The following MAPRE2 variants were observed in gnomAD, a reference collection of about 807,000 sequenced individuals.
MAPRE2 encodes the protein microtubule associated protein RP/EB family member 2.
A neutral mutation model predicts 43.2 loss-of-function variants in MAPRE2; 13 were observed. The observed-to-expected ratio is 0.30, with a 90% CI of 0.20 to 0.48. The LOEUF (loss-of-function observed/expected upper bound fraction) is 0.48, where lower values mean the gene tolerates loss of function less well. MAPRE2 is among the 20% of genes least tolerant of loss of function. The pLI, the probability that MAPRE2 is intolerant of heterozygous loss-of-function variation, is 0.99. For synonymous variants in MAPRE2, 135 were observed against 148.8 expected, an observed-to-expected ratio of 0.91 and a Z score of 0.68; for missense variants, 161 against 400.2, an observed-to-expected ratio of 0.40 and a Z score of 5.10.
At chr18:35,040,706 G>A (rs982317527), upstream of MAPRE2, among the ~76,000 whole-genome samples, 8 of 152,198 alleles carry the variant, frequency 5.3e-5, no homozygotes, top group Non-Finnish European at 1.2e-4. Context: ...TAAAGAATTT[G>A]AATTGGAGGG....
intron 1 of MAPRE2, 102 bp from the exon 2 acceptor site, chr18:35,070,093 T>A (rs1365302291): frequency 2.2e-6 from 2 of 919,112 alleles, no homozygotes; most frequent in Non-Finnish European, 3.2e-6. Context: ...GCAGGACTTT[T>A]ACATGCCCTG....
intron 2 of MAPRE2, among the ~76,000 whole-genome samples, chr18:35,025,689 C>G (rs1185954909): frequency 1.3e-5 from 2 of 152,174 alleles, no homozygotes; most frequent in African/African-American, 2.4e-5. Context: ...ATAAAGCAAG[C>G]TGAAGTTATT....
Position 35,070,186 on chromosome 18 carries a change from T to C in MAPRE2, c.123-9T>C, listed in dbSNP as rs745675833. The C allele has an allele frequency of 7.0e-6, 11 of 1,578,066 alleles. No homozygotes were observed. The South Asian group carries it at 1.2e-4, about 17-fold the overall frequency. ...CCTTGTTGTTAAATAAACTTTGTTT[T>C]TTTTCTAGTTGGGGAATGGCGGTCA... On this transcript the variant is annotated splice_polypyrimidine_tract_variant and intron_variant, in intron 1 of 6. Coordinates refer to ENST00000300249, the MANE Select transcript of MAPRE2 (RefSeq NM_014268.4).
upstream of MAPRE2, chr18:35,041,243 A>G (rs936551515): frequency 3.5e-6 from 4 of 1,150,418 alleles, no homozygotes; most frequent in Non-Finnish European, 4.6e-6. Flanking sequence ...GCCTGCCTGG[A>G]GCTGCTGGCG....
At chr18:35,080,171 GAGA>G (rs2144125333) in intron 2 of MAPRE2, among the ~76,000 whole-genome samples, 1 of 152,344 alleles carries the variant, frequency 6.6e-6, no homozygotes, top group African/African-American at 2.4e-5. Context: ...GATTCAGACG[GAGA>G]AGAAGATGGT....
At chr18:35,035,675 C>T (rs1185358129) in intron 2 of MAPRE2, among the ~76,000 whole-genome samples, 1 of 150,528 alleles carries the variant, frequency 6.6e-6, no homozygotes, top group Non-Finnish European at 1.5e-5. Flanking sequence ...CTGATTCATA[C>T]TCTCTGTGAC....
chr18:35,028,177 A>G (rs970351237), intron 2 of MAPRE2, among the ~76,000 whole-genome samples: 8 of 152,238 alleles, frequency 5.3e-5, no homozygotes, highest in Non-Finnish European at 7.3e-5. Flanking sequence ...CCATGATTCA[A>G]AGGGAGGAGA....
chr18:35,011,410 T>C (rs1467620156), intron 2 of MAPRE2, among the ~76,000 whole-genome samples: 1 of 152,062 alleles, frequency 6.6e-6, no homozygotes, highest in East Asian at 1.9e-4. Flanking sequence ...ATTAATGAAA[T>C]TGAAAGAAGT....
At chr18:35,077,923 A>C (rs1194140564) in intron 2 of MAPRE2, among the ~76,000 whole-genome samples, 1 of 152,214 alleles carries the variant, frequency 6.6e-6, no homozygotes, top group East Asian at 1.9e-4. Context: ...GTTATTTTGA[A>C]TTTTTAAAAA....
At position 34,978,455 on chromosome 18, in the gene MAPRE2, G is replaced by A. The variant is rs975280968; in HGVS notation, c.-70+1376G>A. On this transcript the variant is annotated intron_variant, in intron 1 of 7. Transcript: ENST00000413393. ...AGACCGGTTGCGATTGTGGTCAGAC[G>A]CAGCACCTACTTCTAATCTGAGGAC... 2.0e-6 allele frequency: 3 copies of A among 1,478,744 alleles called. No homozygotes were observed. In the East Asian group the frequency reaches 7.4e-5, roughly 36 times the overall value. 91.6% of individuals were successfully genotyped at this position (1,478,744 alleles called of 1,614,324 possible).
rs896681005 is a variant in MAPRE2 at position 35,097,540 on chromosome 18, T to C, written c.345T>C (p.Ile115=). The C allele has an allele frequency of 3.7e-6, 6 of 1,613,636 alleles. No homozygotes were observed. The African/African-American group carries it at 8.0e-5, about 22-fold the overall frequency. ...AAGCAAAGCTGGAACATGAATATAT[T>C]CACAATTTTAAACTTCTGCAAGCAT... ...KFQAKLEHEY[I]HNFKLLQASF... The change falls in exon 3 of 7, where the codon ATT becomes ATC. Residue 115 remains isoleucine, a synonymous_variant. Transcript: ENST00000300249.
intron 6 of MAPRE2, among the ~76,000 whole-genome samples, chr18:35,139,945 A>G (rs1294946760): frequency 2.0e-5 from 3 of 152,210 alleles, no homozygotes; most frequent in Admixed American, 6.5e-5. Context: ...CATGGTTGTC[A>G]TGATGCTCTT....
upstream of MAPRE2, among the ~76,000 whole-genome samples, chr18:35,040,710 T>A (rs928041966): frequency 8.5e-5 from 13 of 152,260 alleles, no homozygotes; most frequent in Non-Finnish European, 1.9e-4. Flanking sequence ...GAATTTGAAT[T>A]GGAGGGTTTT....
chr18:35,012,380 A>G (rs2097035345), intron 2 of MAPRE2, among the ~76,000 whole-genome samples: 1 of 152,150 alleles, frequency 6.6e-6, no homozygotes, highest in Admixed American at 6.5e-5. Context: ...TGAGAAAGGG[A>G]GTCCAGAGTA....
At chr18:35,107,192 G>T (rs990461506) in intron 4 of MAPRE2, among the ~76,000 whole-genome samples, 1 of 152,120 alleles carries the variant, frequency 6.6e-6, no homozygotes, top group Non-Finnish European at 1.5e-5. Context: ...CTTAAAATCA[G>T]ATTAATAGGA....
chr18:35,006,860 G>C (rs1435437867), intron 2 of MAPRE2, among the ~76,000 whole-genome samples: 2 of 152,230 alleles, frequency 1.3e-5, no homozygotes, highest in Non-Finnish European at 2.9e-5. Context: ...CTACTCGGGT[G>C]GCTGAGGCAC....
intron 1 of MAPRE2, among the ~76,000 whole-genome samples, chr18:35,061,597 G>A (rs937244262): frequency 2.0e-5 from 3 of 152,166 alleles, no homozygotes; most frequent in African/African-American, 2.4e-5. Context: ...AGCAGCTTAT[G>A]TGTGCTATTA....
At chr18:35,130,148 GC>G (rs1910081574) in intron 5 of MAPRE2, among the ~76,000 whole-genome samples, 1 of 150,354 alleles carries the variant, frequency 6.7e-6, no homozygotes, top group African/African-American at 2.5e-5. Context: ...GGTACAGGGG[GC>G]TGGGGGGGGG....
At chr18:34,978,406 G>C (rs2097014344) in intron 1 of MAPRE2, 3 of 964,514 alleles carry the variant, frequency 3.1e-6, no homozygotes, top group Non-Finnish European at 3.3e-6. Context: ...GCGGAGGTTC[G>C]GTCCCAGCTG....
Sources: allele counts gnomAD v4.1 joint callset (sites outside exome capture counted in the v4.1 genomes callset), GRCh38; gene constraint gnomAD v4.1.1; transcripts MANE v1.5; gene names NCBI Gene and HGNC (gene_info 2026-07-23, HGNC 2026-07-21).